CHST11: variants seen among roughly 807,000 people sequenced by gnomAD.
The protein encoded by CHST11 is carbohydrate sulfotransferase 11, also known as C4S-1.
A neutral mutation model predicts 30.4 loss-of-function variants in CHST11; 9 were observed. The ratio of observed to expected loss-of-function variants is 0.30; its 90% CI spans 0.18 to 0.52. CHST11 has a LOEUF of 0.52. CHST11 is among the 20% of genes least tolerant of loss of function. The probability of loss-of-function intolerance (pLI) is 0.97; values close to 1 mark genes in which losing one functional copy is unlikely to be tolerated. For missense variants in CHST11, 348 were observed against 460.6 expected (o/e 0.76, Z 2.24); for synonymous variants, 152 against 187.8 (o/e 0.81, Z 1.56).
At chr12:104,606,322 C>CAGGATGAGGAGG (rs926626930) in intron 2 of CHST11, among the ~76,000 whole-genome samples, 2 of 150,966 alleles carry the variant, frequency 1.3e-5, no homozygotes, top group South Asian at 4.2e-4. Context: ...CTCCAGGAAG[C>CAGGATGAGGAGG]AGGATGAGGA....
intron 1 of CHST11, among the ~76,000 whole-genome samples, chr12:104,474,904 G>T (rs1488111662): frequency 6.6e-6 from 1 of 152,120 alleles, no homozygotes; most frequent in Non-Finnish European, 1.5e-5. Flanking sequence ...GGCGGTAGGG[G>T]GTCCCAGTAA....
intron 2 of CHST11, among the ~76,000 whole-genome samples, chr12:104,726,732 A>G (rs1346786529): frequency 6.6e-6 from 1 of 152,218 alleles, no homozygotes; most frequent in Non-Finnish European, 1.5e-5. Context: ...GGGCTGAGAC[A>G]TTAGAGTGTA....
At position 104,669,859 on chromosome 12, in the gene CHST11, T is replaced by C. The variant is rs546265402; in HGVS notation, c.204+67868T>C. ...TTCCTCCTCCTGTGAGCCTGGCTTT[T>C]CCGTTTTGTCAGTTGATTCACCTTC... is the stretch of plus-strand genomic sequence containing the variant. On this transcript the variant is annotated intron_variant, in intron 2 of 2. Transcript: ENST00000303694. Among the ~76,000 whole-genome samples the C allele has an allele frequency of 2.0e-5, 3 of 152,364 alleles. No homozygotes were observed. The South Asian group carries it at 6.2e-4, about 32-fold the overall frequency.
At chr12:104,720,186 C>T (rs779170676) in intron 2 of CHST11, among the ~76,000 whole-genome samples, 9 of 152,252 alleles carry the variant, frequency 5.9e-5, no homozygotes, top group African/African-American at 1.2e-4. Flanking sequence ...GACAGCTCCC[C>T]GACTCTGGCA....
At chr12:104,536,789 C>T (rs572982738) in intron 1 of CHST11, among the ~76,000 whole-genome samples, 2 of 152,288 alleles carry the variant, frequency 1.3e-5, no homozygotes, top group East Asian at 1.9e-4. Flanking sequence ...TGTCCCATCT[C>T]CCCTGGTGGT....
intron 1 of CHST11, among the ~76,000 whole-genome samples, chr12:104,515,686 G>A (rs1214528229): frequency 1.3e-5 from 2 of 152,134 alleles, no homozygotes; most frequent in Non-Finnish European, 2.9e-5. Context: ...CTCCTGACCC[G>A]CCTGAGGGTG....
At chr12:104,741,405 A>G (rs1052902962) in intron 2 of CHST11, among the ~76,000 whole-genome samples, 2 of 152,222 alleles carry the variant, frequency 1.3e-5, no homozygotes, top group Non-Finnish European at 2.9e-5. Context: ...AAAGGCCCAG[A>G]GCATGGCTCA....
intron 2 of CHST11, among the ~76,000 whole-genome samples, chr12:104,650,567 G>T (rs961720921): frequency 6.6e-6 from 1 of 152,030 alleles, no homozygotes; most frequent in East Asian, 1.9e-4. Context: ...CTTTGGAGAC[G>T]CGGGCACAGT....
intron 2 of CHST11, among the ~76,000 whole-genome samples, chr12:104,685,173 C>T (rs1051016008): frequency 3.9e-5 from 6 of 152,152 alleles, no homozygotes; most frequent in African/African-American, 1.4e-4. Context: ...TGCAAAACCT[C>T]ATCTGTCTCA....
At chr12:104,538,640 C>T (rs2038260625) in intron 1 of CHST11, among the ~76,000 whole-genome samples, 1 of 152,176 alleles carries the variant, frequency 6.6e-6, no homozygotes, top group African/African-American at 2.4e-5. Context: ...CTTTCCTCCA[C>T]CAGATTGTAA....
intron 1 of CHST11, among the ~76,000 whole-genome samples, chr12:104,536,548 T>A (rs1703629106): frequency 6.6e-6 from 1 of 152,208 alleles, no homozygotes; most frequent in South Asian, 2.1e-4. Flanking sequence ...TGGTAGCATG[T>A]CTCATTCTCT....
chr12:104,664,049 T>C (rs2039620565), intron 2 of CHST11, among the ~76,000 whole-genome samples: 2 of 152,200 alleles, frequency 1.3e-5, no homozygotes, highest in African/African-American at 2.4e-5. Flanking sequence ...ATTTCTTCAC[T>C]ATGGAGTTGA....
intron 1 of CHST11, chr12:104,553,430 G>C (rs1276780907): frequency 6.6e-6 from 1 of 152,262 alleles, no homozygotes; most frequent in Non-Finnish European, 1.5e-5. Flanking sequence ...CCTGAGACTG[G>C]GTAATTTATG....
chr12:104,734,930 G>A (rs1363500863), intron 2 of CHST11, among the ~76,000 whole-genome samples: 2 of 152,196 alleles, frequency 1.3e-5, no homozygotes, highest in African/African-American at 2.4e-5. Context: ...TGTTGTTTAC[G>A]TGAACCCTGC....
rs3039184 is a variant in CHST11 at position 104,614,693 on chromosome 12, T to TTGTGTG, written c.204+12720_204+12725dup. The stretch of plus-strand genomic sequence containing the variant: ...TATGCATGTGTGTGTGCATGCATGC[T>TTGTGTG]TGTGTGTGTGTGTGTGTGTGTGTAG... On this transcript the variant is annotated intron_variant, in intron 2 of 2. Coordinates refer to ENST00000303694, the MANE Select transcript of CHST11 (RefSeq NM_018413.6). 6.0e-3 allele frequency among the ~76,000 whole-genome samples: 889 copies of TTGTGTG among 148,914 alleles called. 4 individuals carry two copies. Among genetic ancestry groups the TTGTGTG allele is most frequent in the African/African-American group, 8.1e-3 (325 of 40,362 alleles).
intron 1 of CHST11, among the ~76,000 whole-genome samples, chr12:104,471,863 G>A (rs917053897): frequency 3.3e-5 from 5 of 152,124 alleles, no homozygotes; most frequent in East Asian, 3.9e-4. Context: ...CTAGCCATAC[G>A]TGACTAGGGC....
chr12:104,628,003 T>G (rs2039234180), intron 2 of CHST11, among the ~76,000 whole-genome samples: 2 of 152,208 alleles, frequency 1.3e-5, no homozygotes, highest in South Asian at 4.1e-4. Flanking sequence ...CCCAAAGAAG[T>G]TAATCACTTT....
intron 2 of CHST11, among the ~76,000 whole-genome samples, chr12:104,710,271 C>T (rs926775092): frequency 6.6e-6 from 1 of 152,134 alleles, no homozygotes; most frequent in African/African-American, 2.4e-5. Flanking sequence ...GTGGCTGCAG[C>T]GAGGAGGGAG....
intron 2 of CHST11, among the ~76,000 whole-genome samples, chr12:104,739,024 G>C (rs2040325817): frequency 6.6e-6 from 1 of 152,232 alleles, no homozygotes; most frequent in South Asian, 2.1e-4. Flanking sequence ...GCAGGGGTGA[G>C]GGGTGAGCTG....
Sources: gnomAD v4.1 joint callset for allele counts (sites outside exome capture counted in the v4.1 genomes callset) on GRCh38, gnomAD v4.1.1 for gene constraint, MANE v1.5 for transcripts, NCBI Gene and HGNC (gene_info 2026-07-23, HGNC 2026-07-21) for gene names.